ZCCHC7: variants seen among roughly 807,000 people sequenced by gnomAD.
ZCCHC7 encodes zinc finger CCHC-type containing 7.
In ZCCHC7, 35 loss-of-function variants were observed where a neutral mutation model predicts 52.0. The ratio of observed to expected loss-of-function variants is 0.67; its 90% CI spans 0.51 to 0.89. The LOEUF is 0.89. ZCCHC7 is among the 40% of genes least tolerant of loss of function. The pLI, the probability that ZCCHC7 is intolerant of heterozygous loss-of-function variation, is 0.00. For missense variants in ZCCHC7, 574 were observed against 649.1 expected (o/e 0.88, Z 1.26); for synonymous variants, 217 against 221.5 (o/e 0.98, Z 0.18).
intron 2 of ZCCHC7, among the ~76,000 whole-genome samples, chr9:37,276,523 A>G (rs1050741132): frequency 1.3e-5 from 2 of 152,196 alleles, no homozygotes; most frequent in African/African-American, 4.8e-5. Context: ...GAGAAGATTA[A>G]ATAAGATAAA....
chr9:37,122,437 T>G (rs141628543), intron 1 of ZCCHC7, among the ~76,000 whole-genome samples: 46 of 152,334 alleles, frequency 3.0e-4, no homozygotes, highest in African/African-American at 1.1e-3. Flanking sequence ...ATTGATAGTT[T>G]TTGAGTACCA....
intron 2 of ZCCHC7, among the ~76,000 whole-genome samples, chr9:37,270,077 T>C (rs1451746576): frequency 6.6e-6 from 1 of 152,230 alleles, no homozygotes; most frequent in Non-Finnish European, 1.5e-5. Flanking sequence ...GAAAAAAGGC[T>C]GTAAAGCATG....
chr9:37,223,943 T>C (rs1002314674), intron 2 of ZCCHC7, among the ~76,000 whole-genome samples: 12 of 152,122 alleles, frequency 7.9e-5, no homozygotes, highest in Admixed American at 2.0e-4. Context: ...AAGACAATGT[T>C]CTATTAAAAA....
intron 2 of ZCCHC7, among the ~76,000 whole-genome samples, chr9:37,152,619 T>G (rs1820591505): frequency 6.6e-6 from 1 of 152,156 alleles, no homozygotes; most frequent in African/African-American, 2.4e-5. Flanking sequence ...TAGGATTTGT[T>G]TGATGTTTTT....
upstream of ZCCHC7, chr9:37,120,451 G>C: frequency 2.5e-6 from 1 of 397,378 alleles, no homozygotes. Flanking sequence ...CACATCAGGC[G>C]CGGCAGGTGG....
At chr9:37,168,082 T>A (rs1198605649) in intron 2 of ZCCHC7, among the ~76,000 whole-genome samples, 2 of 152,210 alleles carry the variant, frequency 1.3e-5, no homozygotes, top group Admixed American at 1.3e-4. Flanking sequence ...TGGGTTCTCA[T>A]CCCTTTCTGC....
chr9:37,207,094 C>G (rs1823959450), intron 2 of ZCCHC7, among the ~76,000 whole-genome samples: 1 of 152,128 alleles, frequency 6.6e-6, no homozygotes, highest in South Asian at 2.1e-4. Context: ...CCACTGTACT[C>G]CAGCCTGGAT....
intron 2 of ZCCHC7, among the ~76,000 whole-genome samples, chr9:37,161,183 C>G (rs1821081845): frequency 6.6e-6 from 1 of 151,986 alleles, no homozygotes; most frequent in South Asian, 2.1e-4. Flanking sequence ...CTCCTGACCT[C>G]AAGTGATCCA....
intron 2 of ZCCHC7, among the ~76,000 whole-genome samples, chr9:37,127,162 T>G (rs1021553694): frequency 2.0e-5 from 3 of 152,248 alleles, no homozygotes; most frequent in African/African-American, 7.2e-5. Context: ...GACACTCTGC[T>G]TCTGCTGTAA....
At chr9:37,353,542 T>C (rs1821518474) in intron 7 of ZCCHC7, among the ~76,000 whole-genome samples, 1 of 152,028 alleles carries the variant, frequency 6.6e-6, no homozygotes, top group African/African-American at 2.4e-5. Flanking sequence ...AGGAGATGAG[T>C]GCAAAATGGG....
rs149464303 is a variant in ZCCHC7 at position 37,126,591 on chromosome 9, G to A, written c.259G>A (p.Asp87Asn). The change falls in exon 2 of 9, where the codon GAT becomes AAT. Residue 87 changes from aspartate (D) to asparagine (N), a missense_variant. Physicochemically the swap from Asp to Asn is conservative, Grantham distance 23 (BLOSUM62 1). Coordinates refer to ENST00000336755, the MANE Select transcript of ZCCHC7 (RefSeq NM_032226.3). ...AGATAGTGAGGTCATCCAGCTGTCA[G>A]ATGGGTCAGAGGTCATCACTTTGTC... ...LSDSEVIQLS[D>N]GSEVITLSDE... 2.4e-4 allele frequency: 391 copies of A among 1,614,190 alleles called. No individual in the cohort carries two copies. In the African/African-American group the frequency reaches 4.6e-3, roughly 19 times the overall value.
At chr9:37,343,548 A>T (rs1645636801) in intron 6 of ZCCHC7, among the ~76,000 whole-genome samples, 1 of 152,230 alleles carries the variant, frequency 6.6e-6, no homozygotes, top group Non-Finnish European at 1.5e-5. Context: ...CTAAGGGATA[A>T]ATCATGAGAA....
At chr9:37,352,172 T>G (rs1301973124) in intron 7 of ZCCHC7, among the ~76,000 whole-genome samples, 1 of 152,194 alleles carries the variant, frequency 6.6e-6, no homozygotes, top group Non-Finnish European at 1.5e-5. Flanking sequence ...GTCACATCAG[T>G]CTAGACCATA....
Position 37,354,631 on chromosome 9 carries a change from T to G in ZCCHC7, c.1084-79T>G. On this transcript the variant is annotated intron_variant, in intron 7 of 8. Transcript: ENST00000336755. The surrounding 1 kb of genome is among the most constrained non-coding windows in gnomAD (Gnocchi z 4.0). Reference sequence around the variant, plus strand: ...CAGTGACATGGGGCTCATTTCTAATTAACATGCTCCAGAATCTTGCAAAAA... The same window carrying G: ...CAGTGACATGGGGCTCATTTCTAATGAACATGCTCCAGAATCTTGCAAAAA... The G allele has an allele frequency of 1.0e-6, 1 of 1,004,470 alleles. No individual in the cohort carries two copies. The highest frequency in any genetic ancestry group is 1.5e-6 in the Non-Finnish European group (1 of 658,608). 62.2% of individuals were successfully genotyped at this position (1,004,470 alleles called of 1,614,324 possible). A position where few individuals can be genotyped will look rare whatever the true frequency, so the allele number is the denominator to read the frequency against.
chr9:37,195,039 C>T (rs554665431), intron 2 of ZCCHC7, among the ~76,000 whole-genome samples: 5 of 148,970 alleles, frequency 3.4e-5, no homozygotes, highest in East Asian at 4.0e-4. Flanking sequence ...CTCCACCACC[C>T]GGGTTCAAGC....
chr9:37,306,295 C>T (rs142321405), intron 5 of ZCCHC7, among the ~76,000 whole-genome samples: 7,682 of 151,830 alleles, frequency 0.051, 638 homozygotes, highest in African/African-American at 0.17. Flanking sequence ...TCTCGAACTC[C>T]TGACCTTAGG....
chr9:37,261,077 A>G (rs1826844604), intron 2 of ZCCHC7, among the ~76,000 whole-genome samples: 1 of 152,212 alleles, frequency 6.6e-6, no homozygotes. Context: ...CTGTTTATCA[A>G]TGCCGATAAC....
intron 2 of ZCCHC7, among the ~76,000 whole-genome samples, chr9:37,226,691 C>A (rs925021949): frequency 5.4e-4 from 82 of 152,218 alleles, no homozygotes; most frequent in African/African-American, 2.0e-3. Flanking sequence ...TAACTTGGGA[C>A]ATACTACAGA....
intron 1 of ZCCHC7, among the ~76,000 whole-genome samples, chr9:37,124,176 A>G (rs1032793658): frequency 6.6e-6 from 1 of 152,140 alleles, no homozygotes; most frequent in African/African-American, 2.4e-5. Context: ...GAAAGAATAA[A>G]TAGGCATCAT....
Sources: allele counts gnomAD v4.1 joint callset (sites outside exome capture counted in the v4.1 genomes callset), GRCh38; gene constraint gnomAD v4.1.1; non-coding constraint Gnocchi (gnomAD v3.1); transcripts MANE v1.5; gene names NCBI Gene and HGNC (gene_info 2026-07-23, HGNC 2026-07-21).